Variants in TNRC6B observed in about 807,000 individuals in gnomAD.
The protein encoded by TNRC6B is trinucleotide repeat containing adaptor 6B.
TNRC6B carries 52 observed loss-of-function variants against 203.6 expected under a neutral mutation model. The observed-to-expected ratio is 0.26, with a 90% CI of 0.20 to 0.32. TNRC6B has a LOEUF of 0.32. Ranked by LOEUF, TNRC6B falls within the 10% of genes least tolerant of loss-of-function variation. TNRC6B has a pLI of 1.00. For synonymous variants in TNRC6B, 838 were observed against 845.7 expected (o/e 0.99, Z 0.16); for missense variants, 1,923 against 2,286.2 (o/e 0.84, Z 3.24).
intron 1 of TNRC6B, among the ~76,000 whole-genome samples, chr22:40,186,800 T>C (rs1025136057): frequency 1.3e-5 from 2 of 151,988 alleles, no homozygotes; most frequent in African/African-American, 4.8e-5. Context: ...AATATCGACT[T>C]TATTTATGTA....
At chr22:40,220,935 T>C (rs1165916494) in intron 1 of TNRC6B, among the ~76,000 whole-genome samples, 1 of 152,202 alleles carries the variant, frequency 6.6e-6, no homozygotes, top group Non-Finnish European at 1.5e-5. Flanking sequence ...AGCCGGCATG[T>C]GGGGGAGAGC....
intron 1 of TNRC6B, among the ~76,000 whole-genome samples, chr22:40,059,833 T>C (rs866614646): frequency 1.5e-4 from 22 of 148,078 alleles, no homozygotes; most frequent in African/African-American, 5.4e-4. Flanking sequence ...TTTTTTTTTT[T>C]TTCCCCCCGA....
In TNRC6B at chr22:40,227,358, CTTTTTTT is replaced by C. The variant is rs71199278; in HGVS notation, c.6-18638_6-18632del. ...GCTACCACACCTAGCCTGAAATTACCTTTTTTTTTTTTTTTTTTTTTTTTTGAGACAG... is the reference window on the plus strand; with the variant it reads ...GCTACCACACCTAGCCTGAAATTACCTTTTTTTTTTTTTTTTTTGAGACAG... On this transcript the variant is annotated intron_variant, in intron 1 of 22. Transcript: ENST00000454349. Among the ~76,000 whole-genome samples the C allele has an allele frequency of 2.9e-3, 208 of 71,000 alleles. 1 individual carries two copies. Among genetic ancestry groups the C allele is most frequent in the African/African-American group, 0.01 (202 of 20,156 alleles). 46.6% of individuals were successfully genotyped at this position (71,000 alleles called of 152,430 possible).
intron 1 of TNRC6B, among the ~76,000 whole-genome samples, chr22:40,080,112 T>TTG (rs2068052924): frequency 6.7e-6 from 1 of 149,252 alleles, no homozygotes; most frequent in African/African-American, 2.5e-5. Context: ...TTTTTTTTTT[T>TTG]TGTGTAGAGA....
chr22:40,103,768 G>A (rs1172799949), intron 1 of TNRC6B, among the ~76,000 whole-genome samples: 2 of 148,566 alleles, frequency 1.3e-5, no homozygotes, highest in Non-Finnish European at 3.0e-5. Flanking sequence ...TCAGCCTCCC[G>A]AGTGACTGGG....
chr22:40,281,369 T>C (rs2070719381), intron 11 of TNRC6B, 80 bp downstream of exon 11: 1 of 1,252,370 alleles, frequency 8.0e-7, no homozygotes, highest in South Asian at 1.8e-5. Context: ...GCATCATTTG[T>C]CTGTCTTGGG....
At chr22:40,045,158 G>A (rs1455948664) in intron 1 of TNRC6B, among the ~76,000 whole-genome samples, 1 of 145,206 alleles carries the variant, frequency 6.9e-6, no homozygotes, top group Non-Finnish European at 1.5e-5. Context: ...GCGAGGGAGC[G>A]CGCGTGGGGC....
intron 3 of TNRC6B, among the ~76,000 whole-genome samples, chr22:40,130,192 G>A (rs1367566014): frequency 6.6e-6 from 1 of 152,172 alleles, no homozygotes; most frequent in African/African-American, 2.4e-5. Context: ...GCAGAGTGCA[G>A]TTAGAAAAAG....
chr22:40,118,073 A>T (rs1828875760), intron 2 of TNRC6B, among the ~76,000 whole-genome samples: 1 of 152,132 alleles, frequency 6.6e-6, no homozygotes, highest in Non-Finnish European at 1.5e-5. Flanking sequence ...CCAGGGTAGG[A>T]TTGCTAATAT....
At position 40,335,431 on chromosome 22, in the gene TNRC6B, G is replaced by T. The variant is rs966964663; in HGVS notation, c.*12190G>T. ...AATAAGCTGAAAAGTTGCATTTTAT[G>T]TGTATTTTTTGCCATAGCAGGTACT... On this transcript the variant is annotated 3_prime_UTR_variant, in exon 23 of 23. Transcript: ENST00000454349. 1 of 148,708 alleles carries T rather than the reference G, an allele frequency of 6.7e-6. No homozygotes were observed. Among genetic ancestry groups the T allele is most frequent in the South Asian group, 2.1e-4 (1 of 4,740 alleles). 9.2% of individuals were successfully genotyped at this position (148,708 alleles called of 1,614,324 possible).
chr22:40,297,958 T>C (rs2070966645), intron 12 of TNRC6B, among the ~76,000 whole-genome samples: 1 of 150,418 alleles, frequency 6.6e-6, no homozygotes, highest in Non-Finnish European at 1.5e-5. Context: ...CCGTCTCTAC[T>C]AAAAAAAATA....
chr22:40,221,114 C>T (rs955589570), intron 1 of TNRC6B, among the ~76,000 whole-genome samples: 1 of 152,162 alleles, frequency 6.6e-6, no homozygotes, highest in Admixed American at 6.5e-5. Flanking sequence ...CTGTAGCATT[C>T]CTTCTTGGGT....
chr22:40,305,080 A>G (rs540982081), intron 15 of TNRC6B, among the ~76,000 whole-genome samples: 146 of 152,354 alleles, frequency 9.6e-4, no homozygotes, highest in African/African-American at 3.4e-3. Flanking sequence ...CATTTCCTCA[A>G]GGATGTAAGA....
chr22:40,045,872 C>T (rs893148330), intron 1 of TNRC6B, among the ~76,000 whole-genome samples: 3 of 152,154 alleles, frequency 2.0e-5, no homozygotes, highest in African/African-American at 7.2e-5. Flanking sequence ...AGGTTACCAG[C>T]CTGGGACTTT....
intron 1 of TNRC6B, among the ~76,000 whole-genome samples, chr22:40,232,899 C>T (rs1188390077): frequency 3.9e-5 from 6 of 152,086 alleles, no homozygotes; most frequent in Admixed American, 3.9e-4. Flanking sequence ...CGCCTGTAAT[C>T]CCAGCACTTT....
At chr22:40,166,814 G>A (rs889498534) in intron 4 of TNRC6B, among the ~76,000 whole-genome samples, 2 of 151,182 alleles carry the variant, frequency 1.3e-5, no homozygotes, top group African/African-American at 4.9e-5. Context: ...AGATTCGCTT[G>A]AACCAGGGAG....
At chr22:40,101,471 C>A (rs924035663) in intron 1 of TNRC6B, among the ~76,000 whole-genome samples, 4 of 152,148 alleles carry the variant, frequency 2.6e-5, no homozygotes, top group African/African-American at 9.7e-5. Flanking sequence ...GTCTGGGGAC[C>A]ACACTTTGAG....
chr22:40,269,113 A>G (rs577650403), intron 5 of TNRC6B, among the ~76,000 whole-genome samples: 22 of 140,026 alleles, frequency 1.6e-4, no homozygotes, highest in Non-Finnish European at 3.4e-4. Flanking sequence ...TAATTGCTTC[A>G]TATACAGTAT....
chr22:40,287,340 A>G (rs1175310422), intron 12 of TNRC6B, among the ~76,000 whole-genome samples: 1 of 152,188 alleles, frequency 6.6e-6, no homozygotes, highest in Admixed American at 6.5e-5. Context: ...CTTTAAGACC[A>G]GGGCTTAAAA....
Sources: gnomAD v4.1 joint callset for allele counts (sites outside exome capture counted in the v4.1 genomes callset) on GRCh38, gnomAD v4.1.1 for gene constraint, MANE v1.5 for transcripts, NCBI Gene and HGNC (gene_info 2026-07-23, HGNC 2026-07-21) for gene names.